The following EPHA6 variants were observed in gnomAD, a reference collection of about 807,000 sequenced individuals.
EPHA6 encodes the protein ephrin type-A receptor 6.
Under a neutral mutation model 112.0 loss-of-function variants are expected in EPHA6, and 50 were observed. That is an observed-to-expected ratio of 0.45 (90% CI 0.36 to 0.56). EPHA6 has a LOEUF of 0.56. Among genes scored for constraint, EPHA6 ranks in the 20% least tolerant of loss-of-function variants. EPHA6 has a pLI of 0.00. For synonymous variants in EPHA6, 529 were observed against 490.7 expected (o/e 1.08, Z -1.03); for missense variants, 1,280 against 1,417.4 (o/e 0.90, Z 1.56).
intron 5 of EPHA6, among the ~76,000 whole-genome samples, chr3:97,332,575 T>C (rs1005491607): frequency 6.6e-6 from 1 of 152,152 alleles, no homozygotes; most frequent in Admixed American, 6.6e-5. Context: ...CTAAAAGTTT[T>C]ATGTTTTTAT....
intron 2 of EPHA6, among the ~76,000 whole-genome samples, chr3:96,897,502 C>A (rs181791839): frequency 6.6e-6 from 1 of 152,256 alleles, no homozygotes; most frequent in East Asian, 1.9e-4. Context: ...CATTCCTAGG[C>A]TGAGTCGTCT....
intron 3 of EPHA6, among the ~76,000 whole-genome samples, chr3:97,057,357 A>G (rs1435444768): frequency 6.6e-6 from 1 of 152,222 alleles, no homozygotes; most frequent in Non-Finnish European, 1.5e-5. Context: ...AGCTGCATAC[A>G]GCACACAGGT....
intron 3 of EPHA6, among the ~76,000 whole-genome samples, chr3:97,043,825 A>C (rs564223347): frequency 6.6e-6 from 1 of 152,300 alleles, no homozygotes; most frequent in African/African-American, 2.4e-5. Context: ...CAGCACACTG[A>C]GGTCCTAATG....
At chr3:97,715,957 G>T (rs2034197623) in intron 14 of EPHA6, among the ~76,000 whole-genome samples, 1 of 152,162 alleles carries the variant, frequency 6.6e-6, no homozygotes, top group African/African-American at 2.4e-5. Context: ...TATTAAGTTT[G>T]CTCTGTAAGA....
At chr3:97,556,823 T>C (rs1268597629) in intron 11 of EPHA6, among the ~76,000 whole-genome samples, 1 of 152,030 alleles carries the variant, frequency 6.6e-6, no homozygotes, top group Non-Finnish European at 1.5e-5. Flanking sequence ...TGGAAGTTTA[T>C]GGTGTGTGAA....
chr3:97,524,029 TG>T (rs1201881468), intron 10 of EPHA6, among the ~76,000 whole-genome samples: 2 of 152,074 alleles, frequency 1.3e-5, no homozygotes, highest in Non-Finnish European at 2.9e-5. Flanking sequence ...TATTGGATCT[TG>T]TTTTTTAATC....
chr3:96,886,662 A>G (rs2037642512), intron 2 of EPHA6, among the ~76,000 whole-genome samples: 1 of 152,164 alleles, frequency 6.6e-6, no homozygotes, highest in Non-Finnish European at 1.5e-5. Context: ...TGGAGCATTT[A>G]GGCCATTTAC....
chr3:97,646,051 G>A (rs1427833420), intron 14 of EPHA6: 2 of 1,207,022 alleles, frequency 1.7e-6, no homozygotes, highest in East Asian at 2.6e-5. Flanking sequence ...CTACATGGAA[G>A]CTATCCTTTT....
chr3:96,987,992 T>C lies in EPHA6; in HGVS notation c.1113T>C (p.His371=). ...TGYEEIEGSC[H]ACRPGFYKAF... ...ATGAAGAAATTGAGGGTTCTTGCCA[T>C]GGTAAGAAACAAACATTTAAATAAT... The change falls in exon 3 of 18, where the codon CAT becomes CAC. Residue 371 remains histidine (H), a splice_region_variant and synonymous_variant. Coordinates refer to ENST00000389672, the MANE Select transcript of EPHA6 (RefSeq NM_001080448.3). 1.9e-6 allele frequency: 3 copies of C among 1,548,902 alleles called. No homozygotes were observed. Among genetic ancestry groups the C allele is most frequent in the Non-Finnish European group, 2.6e-6 (3 of 1,145,224 alleles).
chr3:97,071,725 T>C (rs2046364334), intron 3 of EPHA6, among the ~76,000 whole-genome samples: 1 of 152,092 alleles, frequency 6.6e-6, no homozygotes, highest in Non-Finnish European at 1.5e-5. Flanking sequence ...CCATATCACA[T>C]TATATCTTTA....
intron 15 of EPHA6, among the ~76,000 whole-genome samples, chr3:97,723,822 G>A (rs1296127662): frequency 6.6e-6 from 1 of 152,172 alleles, no homozygotes; most frequent in African/African-American, 2.4e-5. Flanking sequence ...AAAGAGAGTT[G>A]AAATTCTGTT....
chr3:97,366,112 C>T (rs1266852378), intron 5 of EPHA6, among the ~76,000 whole-genome samples: 1 of 152,148 alleles, frequency 6.6e-6, no homozygotes, highest in African/African-American at 2.4e-5. Flanking sequence ...GTTGTTTTCG[C>T]TTATGTTGAG....
At chr3:96,980,162 T>G (rs2107813235) in intron 2 of EPHA6, among the ~76,000 whole-genome samples, 1 of 152,336 alleles carries the variant, frequency 6.6e-6, no homozygotes, top group South Asian at 2.1e-4. Flanking sequence ...CTAGGTTTTC[T>G]TCTAGGGTTT....
rs150014275 is a variant in EPHA6, at chr3:97,503,102, G to A, written c.2200+19043G>A. Among the ~76,000 whole-genome samples, 990 of 151,858 alleles carry A rather than the reference G, an allele frequency of 6.5e-3. 11 individuals are homozygous for A. Among genetic ancestry groups the A allele is most frequent in the African/African-American group, 0.022 (911 of 41,472 alleles). ...AATCAATAGGAAAATACTATAAACA[G>A]CTTTGTTACAATAAATGTAAAAATT... On this transcript the variant is annotated intron_variant, in intron 10 of 17. Transcript: ENST00000389672.
chr3:97,246,100 C>T (rs2108586384), intron 5 of EPHA6, among the ~76,000 whole-genome samples: 1 of 151,874 alleles, frequency 6.6e-6, no homozygotes, highest in African/African-American at 2.4e-5. Context: ...CTTTTCTTTT[C>T]CTCTTTCCTT....
chr3:96,893,864 G>C (rs1490171467), intron 2 of EPHA6, among the ~76,000 whole-genome samples: 1 of 152,174 alleles, frequency 6.6e-6, no homozygotes, highest in Non-Finnish European at 1.5e-5. Flanking sequence ...TTCAAGAATT[G>C]ATGTTCATTA....
chr3:96,987,273 T>C, intron 2 of EPHA6, 57 bp from the exon 3 acceptor site: 10 of 1,443,122 alleles, frequency 6.9e-6, no homozygotes, highest in Non-Finnish European at 8.4e-6. Flanking sequence ...TAAGTAATCA[T>C]TTCTGTTTAA....
chr3:97,650,814 G>A (rs988734422), intron 14 of EPHA6, among the ~76,000 whole-genome samples: 11 of 133,382 alleles, frequency 8.2e-5, no homozygotes, highest in South Asian at 5.0e-4. Flanking sequence ...CTGAGATTGC[G>A]CCACTGCATT....
chr3:97,703,136 G>A (rs564299154), intron 14 of EPHA6, among the ~76,000 whole-genome samples: 60 of 152,280 alleles, frequency 3.9e-4, no homozygotes, highest in South Asian at 2.5e-3. Flanking sequence ...CAGAGCTGAC[G>A]TGAAACTTCC....
Sources: gnomAD v4.1 joint callset for allele counts (sites outside exome capture counted in the v4.1 genomes callset) on GRCh38, gnomAD v4.1.1 for gene constraint, MANE v1.5 for transcripts, NCBI Gene and HGNC (gene_info 2026-07-23, HGNC 2026-07-21) for gene names.